Variants in GMDS observed in about 807,000 individuals in gnomAD.
GMDS encodes the protein GDP-mannose 4,6 dehydratase.
GMDS carries 20 observed loss-of-function variants against 49.9 expected under a neutral mutation model. That is an observed-to-expected ratio of 0.40 (90% CI 0.28 to 0.58). The LOEUF is 0.58. Among genes scored for constraint, GMDS ranks in the 20% least tolerant of loss-of-function variants. The pLI is 0.42. For synonymous variants in GMDS, 177 were observed against 178.6 expected (o/e 0.99, Z 0.07); for missense variants, 362 against 481.4 (o/e 0.75, Z 2.32).
At chr6:2,092,597 A>G (rs969729764) in intron 4 of GMDS, among the ~76,000 whole-genome samples, 2 of 152,224 alleles carry the variant, frequency 1.3e-5, no homozygotes, top group Non-Finnish European at 2.9e-5. Context: ...TATACAAATA[A>G]TAGATGCAGA....
chr6:1,943,036 T>C (rs1201101585), intron 6 of GMDS, among the ~76,000 whole-genome samples: 1 of 152,156 alleles, frequency 6.6e-6, no homozygotes. Flanking sequence ...CAAGCCTCTT[T>C]CTTCAATGGC....
intron 4 of GMDS, among the ~76,000 whole-genome samples, chr6:2,061,957 A>C (rs1489473984): frequency 6.6e-6 from 1 of 152,178 alleles, no homozygotes; most frequent in African/African-American, 2.4e-5. Context: ...TTTTGACTTT[A>C]AAACCTGAAA....
intron 4 of GMDS, among the ~76,000 whole-genome samples, chr6:2,001,044 G>A (rs772342485): frequency 4.6e-5 from 7 of 152,052 alleles, no homozygotes; most frequent in African/African-American, 1.7e-4. Flanking sequence ...GTAGTTCTAC[G>A]GTTAACAATG....
At chr6:1,713,771 T>C (rs531348046) in intron 9 of GMDS, among the ~76,000 whole-genome samples, 2 of 152,332 alleles carry the variant, frequency 1.3e-5, no homozygotes, top group African/African-American at 4.8e-5. Flanking sequence ...CTTCTCTTTT[T>C]CTTATTCATC....
Position 2,158,697 on chromosome 6 carries a change from A to G in GMDS, c.103-33966T>C, listed in dbSNP as rs571929677. On this transcript the variant is annotated intron_variant, in intron 1 of 10. Transcript: ENST00000380815. ...GACTTCCCTTCAGTATTGGGGCAAG[A>G]AAGTGGGGAAAGTTAGGATGGGGAC... Among the ~76,000 whole-genome samples the G allele has an allele frequency of 9.8e-5, 15 of 152,332 alleles. No individual in the cohort carries two copies. In the South Asian group the frequency reaches 2.9e-3, roughly 29 times the overall value.
chr6:2,240,367 T>A (rs1781556361), intron 1 of GMDS, among the ~76,000 whole-genome samples: 1 of 152,198 alleles, frequency 6.6e-6, no homozygotes, highest in Admixed American at 6.5e-5. Context: ...CACTACTATG[T>A]GCAGATTTAT....
At chr6:1,935,343 G>A (rs1762476248) in intron 6 of GMDS, among the ~76,000 whole-genome samples, 1 of 152,154 alleles carries the variant, frequency 6.6e-6, no homozygotes. Context: ...CTATGTCCTT[G>A]TTTGTAAAAT....
intron 7 of GMDS, among the ~76,000 whole-genome samples, chr6:1,749,588 CAAA>C (rs3039696): frequency 2.0e-4 from 30 of 147,998 alleles, no homozygotes; most frequent in African/African-American, 3.0e-4. Flanking sequence ...GACTTTATCT[CAAA>C]AAAAAAAAAA....
At chr6:2,008,419 T>G (rs909925888) in intron 4 of GMDS, among the ~76,000 whole-genome samples, 2 of 152,198 alleles carry the variant, frequency 1.3e-5, no homozygotes, top group African/African-American at 2.4e-5. Flanking sequence ...GTTAATATGT[T>G]ATGGCTGTTA....
At chr6:2,125,708 G>A (rs1225752984) in intron 1 of GMDS, among the ~76,000 whole-genome samples, 1 of 152,182 alleles carries the variant, frequency 6.6e-6, no homozygotes, top group Admixed American at 6.5e-5. Context: ...GAATAAAGAA[G>A]GCCAGGGGGA....
At chr6:1,887,894 T>C (rs1759681164) in intron 7 of GMDS, among the ~76,000 whole-genome samples, 1 of 152,190 alleles carries the variant, frequency 6.6e-6, no homozygotes, top group Admixed American at 6.5e-5. Context: ...TAATACTAAA[T>C]ACAATGTAGA....
At chr6:1,982,367 T>C (rs1405654857) in intron 4 of GMDS, among the ~76,000 whole-genome samples, 1 of 152,154 alleles carries the variant, frequency 6.6e-6, no homozygotes, top group Non-Finnish European at 1.5e-5. Context: ...CAACATATAT[T>C]GGAAGTTCTG....
chr6:1,807,820 C>T (rs1227529962), intron 7 of GMDS, among the ~76,000 whole-genome samples: 1 of 152,102 alleles, frequency 6.6e-6, no homozygotes, highest in Non-Finnish European at 1.5e-5. Flanking sequence ...AGAATATCTT[C>T]ATAATCATAA....
chr6:1,683,366 G>C (rs572030596), intron 9 of GMDS, among the ~76,000 whole-genome samples: 4 of 152,178 alleles, frequency 2.6e-5, no homozygotes, highest in African/African-American at 9.6e-5. Context: ...CTCGTGATTT[G>C]TCCGCCTCGG....
intron 9 of GMDS, among the ~76,000 whole-genome samples, chr6:1,652,399 T>TATA (rs1763685677): frequency 4.0e-4 from 2 of 4,970 alleles, no homozygotes; most frequent in Non-Finnish European, 4.8e-4. Context: ...ATATTATATA[T>TATA]ATATATATAT....
At chr6:2,025,660 T>C (rs1768552451) in intron 4 of GMDS, among the ~76,000 whole-genome samples, 1 of 152,170 alleles carries the variant, frequency 6.6e-6, no homozygotes, top group Non-Finnish European at 1.5e-5. Flanking sequence ...CTAATACTTG[T>C]ACCTTAACCT....
chr6:2,242,500 G>A (rs545245046), intron 1 of GMDS, among the ~76,000 whole-genome samples: 7 of 152,312 alleles, frequency 4.6e-5, no homozygotes, highest in East Asian at 1.9e-4. Flanking sequence ...CTGGCTGTCC[G>A]CACTATTCTC....
intron 7 of GMDS, among the ~76,000 whole-genome samples, chr6:1,916,188 A>T (rs1300535670): frequency 6.6e-6 from 1 of 152,192 alleles, no homozygotes; most frequent in Non-Finnish European, 1.5e-5. Context: ...GACTGACAAC[A>T]TGGCTGTAGG....
At chr6:1,746,127 C>CA (rs1297583626) in intron 7 of GMDS, among the ~76,000 whole-genome samples, 7 of 152,222 alleles carry the variant, frequency 4.6e-5, no homozygotes, top group South Asian at 2.1e-4. Flanking sequence ...TGACCCATGA[C>CA]ATGGCCAGGC....
Sources: allele counts gnomAD v4.1 joint callset (sites outside exome capture counted in the v4.1 genomes callset), GRCh38; gene constraint gnomAD v4.1.1; transcripts MANE v1.5; gene names NCBI Gene and HGNC (gene_info 2026-07-23, HGNC 2026-07-21).